GABRA3: variants seen among roughly 807,000 people sequenced by gnomAD.
The protein encoded by GABRA3 is gamma-aminobutyric acid type A receptor subunit alpha3.
In GABRA3, 10 loss-of-function variants were observed where a neutral mutation model predicts 30.1. The ratio of observed to expected loss-of-function variants is 0.33; its 90% confidence interval spans 0.20 to 0.56. The LOEUF is 0.56. Among genes scored for constraint, GABRA3 ranks in the 20% least tolerant of loss-of-function variants. GABRA3 has a pLI of 0.89. For missense variants in GABRA3, 233 were observed against 392.0 expected, an observed-to-expected ratio of 0.59 and a Z score of 3.42; for synonymous variants, 151 against 146.8, an observed-to-expected ratio of 1.03 and a Z score of -0.21.
intron 8 of GABRA3, among the ~76,000 whole-genome samples, chrX:152,191,511 G>A (rs935534292): frequency 1.8e-5 from 2 of 109,181 alleles, no homozygotes; most frequent in Admixed American, 1.0e-4. Context: ...CTTTCTTAGC[G>A]TTGGCATGCT....
intron 5 of GABRA3, among the ~76,000 whole-genome samples, chrX:152,252,830 A>C (rs144672394): frequency 1.3e-4 from 15 of 111,473 alleles, no homozygotes; most frequent in Non-Finnish European, 2.6e-4. Flanking sequence ...GGCCAAGACC[A>C]CCTGGCATAA....
intron 3 of GABRA3, among the ~76,000 whole-genome samples, chrX:152,328,042 A>G (rs779867736): frequency 8.9e-6 from 1 of 112,029 alleles, no homozygotes; most frequent in East Asian, 2.8e-4. Context: ...CCACAGAAAT[A>G]AAAACTACCA....
At chrX:152,422,661 T>C (rs1045195345) in intron 1 of GABRA3, among the ~76,000 whole-genome samples, 1 of 111,469 alleles carries the variant, frequency 9.0e-6, no homozygotes, top group African/African-American at 3.2e-5. Context: ...TAGATACTAG[T>C]GGTTTCAAGA....
chrX:152,291,051 G>C (rs1410361354), intron 3 of GABRA3, among the ~76,000 whole-genome samples: 1 of 111,754 alleles, frequency 8.9e-6, no homozygotes, highest in Non-Finnish European at 1.9e-5. Flanking sequence ...ATTCTGTGAA[G>C]AAAGTCATTG....
At chrX:152,232,098 TCTA>T (rs1187536466) in intron 5 of GABRA3, among the ~76,000 whole-genome samples, 1 of 111,692 alleles carries the variant, frequency 9.0e-6, no homozygotes, top group East Asian at 2.8e-4. Context: ...ATTCTATAAA[TCTA>T]CTAAAAATCA....
chrX:152,349,159 C>T, intron 2 of GABRA3, among the ~76,000 whole-genome samples: 1 of 111,467 alleles, frequency 9.0e-6, no homozygotes. Context: ...CAACAATATT[C>T]ACAGCATCTT....
intron 9 of GABRA3, among the ~76,000 whole-genome samples, chrX:152,188,668 T>A (rs896925988): frequency 1.8e-5 from 2 of 112,146 alleles, no homozygotes; most frequent in Admixed American, 1.9e-4. Context: ...TCATAATTTA[T>A]AGCAAGGAGT....
chrX:152,416,864 A>T (rs1418196184), intron 1 of GABRA3, among the ~76,000 whole-genome samples: 1 of 107,069 alleles, frequency 9.3e-6, no homozygotes, highest in African/African-American at 3.4e-5. Context: ...CACCTTATAC[A>T]AAAATCAATT....
chrX:152,330,487 G>A (rs920691821), intron 3 of GABRA3, among the ~76,000 whole-genome samples: 2 of 111,867 alleles, frequency 1.8e-5, no homozygotes, highest in Admixed American at 1.9e-4. Flanking sequence ...AAGAAAATGT[G>A]GCACATATAC....
chrX:152,252,520 A>G (rs886194258), intron 5 of GABRA3, among the ~76,000 whole-genome samples: 1 of 111,161 alleles, frequency 9.0e-6, no homozygotes, highest in Non-Finnish European at 1.9e-5. Context: ...ACTGTTGTTA[A>G]AGCTGTTATG....
At chrX:152,168,689 T>A (rs974650086) in intron 9 of GABRA3, 126 bp from the exon 10 acceptor site, 76 of 494,005 alleles carry the variant, frequency 1.5e-4, no homozygotes, top group Admixed American at 1.1e-3. Flanking sequence ...ACAGGGGCCA[T>A]GTAGCCAATA....
At chrX:152,380,548 C>A (rs904577874) in intron 1 of GABRA3, among the ~76,000 whole-genome samples, 3 of 111,923 alleles carry the variant, frequency 2.7e-5, no homozygotes, top group South Asian at 3.8e-4. Flanking sequence ...GTGAACAGTG[C>A]TGCAACAAAC....
At chrX:152,310,126 T>A (rs772392132) in intron 3 of GABRA3, among the ~76,000 whole-genome samples, 11 of 111,474 alleles carry the variant, frequency 9.9e-5, no homozygotes, top group African/African-American at 3.6e-4. Flanking sequence ...AACAGCCAGA[T>A]TCATTAAACA....
intron 5 of GABRA3, among the ~76,000 whole-genome samples, chrX:152,239,775 T>C (rs1309080278): frequency 3.8e-5 from 4 of 104,859 alleles, no homozygotes; most frequent in Non-Finnish European, 7.7e-5. Context: ...TTTTGATCTT[T>C]GTTGGTTTCA....
At chrX:152,438,770 C>A (rs1476664425) in intron 1 of GABRA3, among the ~76,000 whole-genome samples, 1 of 111,649 alleles carries the variant, frequency 9.0e-6, no homozygotes, top group Non-Finnish European at 1.9e-5. Context: ...TTGGAAAAGG[C>A]AAAACATTAA....
intron 3 of GABRA3, among the ~76,000 whole-genome samples, chrX:152,289,566 T>G (rs1939362244): frequency 9.1e-6 from 1 of 110,383 alleles, no homozygotes; most frequent in Admixed American, 9.7e-5. Flanking sequence ...ATGCACAACG[T>G]GCAGGTTTGT....
At chrX:152,264,344 A>T in intron 4 of GABRA3, among the ~76,000 whole-genome samples, 1 of 111,904 alleles carries the variant, frequency 8.9e-6, no homozygotes, top group African/African-American at 3.2e-5. Flanking sequence ...GTGGGGGAAC[A>T]AATAAGGTAT....
At chrX:152,346,032 T>C (rs999682891) in intron 2 of GABRA3, among the ~76,000 whole-genome samples, 9 of 111,565 alleles carry the variant, frequency 8.1e-5, no homozygotes, top group Admixed American at 4.8e-4. Flanking sequence ...AGTTGGTTCA[T>C]CAAATTGTGT....
chrX:152,219,585 A>G (rs1007111193), intron 6 of GABRA3, among the ~76,000 whole-genome samples: 2 of 111,650 alleles, frequency 1.8e-5, no homozygotes, highest in Non-Finnish European at 3.8e-5. Flanking sequence ...AACCAAGAGC[A>G]GGAAACACTG....
Sources: gnomAD v4.1 joint callset for allele counts (sites outside exome capture counted in the v4.1 genomes callset) on GRCh38, gnomAD v4.1.1 for gene constraint, MANE v1.5 for transcripts, NCBI Gene and HGNC (gene_info 2026-07-23, HGNC 2026-07-21) for gene names.